Variants in SYTL5 observed in about 807,000 individuals in gnomAD.
The protein encoded by SYTL5 is synaptotagmin like 5.
In SYTL5, 34 loss-of-function variants were observed where a neutral mutation model predicts 55.9. That is an observed-to-expected ratio of 0.61 (90% confidence interval 0.46 to 0.81). SYTL5 has a LOEUF of 0.81. SYTL5 is among the 30% of genes least tolerant of loss of function. SYTL5 has a pLI of 0.00. For missense variants in SYTL5, 637 were observed against 546.7 expected (o/e 1.17, Z -1.65); for synonymous variants, 221 against 188.7 (o/e 1.17, Z -1.40).
At chrX:37,969,753 C>T in the SYTL5 span, among the ~76,000 whole-genome samples, 1 of 111,314 alleles carries the variant, frequency 9.0e-6, no homozygotes, top group Non-Finnish European at 1.9e-5. Flanking sequence ...CAAGCCTCAG[C>T]CTCCTGAGTA....
chrX:37,944,260 G>C, the SYTL5 span, among the ~76,000 whole-genome samples: 4 of 110,031 alleles, frequency 3.6e-5, no homozygotes, highest in South Asian at 7.7e-4. Flanking sequence ...GGTCTGGTCT[G>C]TTTTGGAAAT....
At chrX:38,057,786 A>G (rs1053689964) in intron 3 of SYTL5, among the ~76,000 whole-genome samples, 4 of 111,615 alleles carry the variant, frequency 3.6e-5, no homozygotes, top group African/African-American at 1.3e-4. Context: ...TAAACAATAT[A>G]TGGATTTCAA....
the SYTL5 span, among the ~76,000 whole-genome samples, chrX:37,969,262 G>C: frequency 1.8e-5 from 2 of 111,432 alleles, no homozygotes; most frequent in Non-Finnish European, 3.8e-5. Flanking sequence ...AAATCCAAGG[G>C]TTTAAACAGG....
chrX:37,988,413 A>C, the SYTL5 span, among the ~76,000 whole-genome samples: 1 of 112,289 alleles, frequency 8.9e-6, no homozygotes, highest in East Asian at 2.8e-4. Flanking sequence ...AAAGCTACCA[A>C]ATTTATGGCA....
chrX:38,090,486 T>C (rs1156876438), intron 7 of SYTL5, among the ~76,000 whole-genome samples: 1 of 112,019 alleles, frequency 8.9e-6, no homozygotes, highest in Non-Finnish European at 1.9e-5. Flanking sequence ...CTGTTGGAAG[T>C]TATATTTGGA....
intron 1 of SYTL5, among the ~76,000 whole-genome samples, chrX:38,031,251 A>G (rs1212823033): frequency 8.9e-6 from 1 of 111,991 alleles, no homozygotes; most frequent in East Asian, 2.8e-4. Context: ...CCATTTACAC[A>G]CCAGTTACGA....
chrX:38,049,545 C>A (rs1361534504), intron 2 of SYTL5, among the ~76,000 whole-genome samples: 1 of 110,656 alleles, frequency 9.0e-6, no homozygotes, highest in Non-Finnish European at 1.9e-5. Flanking sequence ...GTTCTCATCC[C>A]AGCTTCAGGA....
the SYTL5 span, among the ~76,000 whole-genome samples, chrX:37,935,274 G>A: frequency 4.5e-5 from 5 of 111,723 alleles, no homozygotes; most frequent in African/African-American, 1.3e-4. Flanking sequence ...AAGTGAAGGA[G>A]AATTTAAGGC....
chrX:38,020,542 C>T (rs1401421373), intron 1 of SYTL5, among the ~76,000 whole-genome samples: 1 of 102,706 alleles, frequency 9.7e-6, no homozygotes, highest in Non-Finnish European at 2.0e-5. Flanking sequence ...TCAAGCATGC[C>T]ATCACATATA....
chrX:37,942,021 G>T, the SYTL5 span, among the ~76,000 whole-genome samples: 3 of 111,937 alleles, frequency 2.7e-5, no homozygotes, highest in Non-Finnish European at 5.6e-5. Context: ...AAAGTCGTTA[G>T]TGGTATAAAT....
chrX:38,081,762 A>G (rs1371792967), intron 6 of SYTL5, among the ~76,000 whole-genome samples: 1 of 111,771 alleles, frequency 8.9e-6, no homozygotes, highest in Non-Finnish European at 1.9e-5. Flanking sequence ...GAGATAGGGA[A>G]TCTGGGGTAT....
At chrX:38,005,729 T>C (rs1481466732), upstream of SYTL5, among the ~76,000 whole-genome samples, 1 of 111,495 alleles carries the variant, frequency 9.0e-6, no homozygotes, top group Non-Finnish European at 1.9e-5. Flanking sequence ...TGTATTGACT[T>C]CTTTTGTATG....
chrX:38,012,501 A>G (rs1934220319), intron 1 of SYTL5, among the ~76,000 whole-genome samples: 1 of 112,106 alleles, frequency 8.9e-6, no homozygotes, highest in Admixed American at 9.5e-5. Context: ...AAGCCATCAG[A>G]TAATGATGTT....
At position 38,076,037 on chromosome X, in the gene SYTL5, G is replaced by T. The variant is rs1274238733; in HGVS notation, c.555-530G>T. Among the ~76,000 whole-genome samples the T allele has an allele frequency of 6.3e-5, 7 of 111,769 alleles. No individual in the cohort carries two copies. In the Admixed American group the frequency reaches 6.7e-4, roughly 11 times the overall value. On this transcript the variant is annotated intron_variant, in intron 5 of 16. Coordinates refer to ENST00000297875, the MANE Select transcript of SYTL5 (RefSeq NM_138780.3). The stretch of plus-strand genomic sequence containing the variant: ...AAATGTCATGGAAGATAATAAAGAT[G>T]AGTTTAGTCATTCGTTCCACAAGAG...
chrX:37,919,070 G>T, the SYTL5 span, among the ~76,000 whole-genome samples: 1 of 110,549 alleles, frequency 9.0e-6, no homozygotes, highest in South Asian at 3.9e-4. Context: ...ATAGACAAAA[G>T]AACTCAACTT....
At chrX:37,957,478 A>G in the SYTL5 span, among the ~76,000 whole-genome samples, 1 of 111,855 alleles carries the variant, frequency 8.9e-6, no homozygotes, top group African/African-American at 3.3e-5. Flanking sequence ...GCATGGGTAG[A>G]ATTTCATACT....
At chrX:38,092,520 G>A (rs1285029656) in intron 7 of SYTL5, among the ~76,000 whole-genome samples, 1 of 111,621 alleles carries the variant, frequency 9.0e-6, no homozygotes, top group Non-Finnish European at 1.9e-5. Context: ...GGGAAGCCAA[G>A]TGTCTGGTGC....
At chrX:38,011,467 T>TA (rs1260865037) in intron 1 of SYTL5, among the ~76,000 whole-genome samples, 7 of 106,321 alleles carry the variant, frequency 6.6e-5, no homozygotes, top group Non-Finnish European at 1.2e-4. Context: ...CCGTCTCTAC[T>TA]AAAAAAAATA....
At chrX:37,989,090 T>C in the SYTL5 span, among the ~76,000 whole-genome samples, 6 of 111,952 alleles carry the variant, frequency 5.4e-5, no homozygotes, top group Admixed American at 9.5e-5. Context: ...CCTCCAGAGA[T>C]AAAATCAAGG....
Sources: gnomAD v4.1 joint callset for allele counts (sites outside exome capture counted in the v4.1 genomes callset) on GRCh38, gnomAD v4.1.1 for gene constraint, MANE v1.5 for transcripts, NCBI Gene and HGNC (gene_info 2026-07-23, HGNC 2026-07-21) for gene names.